SNX30: variants seen among roughly 807,000 people sequenced by gnomAD.
SNX30 encodes sorting nexin family member 30, also known as sorting nexin-30.
SNX30 carries 24 observed loss-of-function variants against 46.4 expected under a neutral mutation model. The ratio of observed to expected loss-of-function variants is 0.52; its 90% CI spans 0.37 to 0.73. The LOEUF is 0.73. SNX30 is among the 30% of genes least tolerant of loss of function. The probability of loss-of-function intolerance (pLI) is 0.00; values close to 1 mark genes in which losing one functional copy is unlikely to be tolerated. For missense variants in SNX30, 533 were observed against 555.7 expected (o/e 0.96, Z 0.41); for synonymous variants, 189 against 211.5 (o/e 0.89, Z 0.92).
intron 3 of SNX30, among the ~76,000 whole-genome samples, chr9:112,822,901 CAAG>C (rs938353421): frequency 6.6e-6 from 1 of 151,970 alleles, no homozygotes; most frequent in African/African-American, 2.4e-5. Flanking sequence ...CTGGAGATCA[CAAG>C]AAGAAGAATG....
At chr9:112,765,782 T>C (rs540755610) in intron 1 of SNX30, among the ~76,000 whole-genome samples, 8 of 152,224 alleles carry the variant, frequency 5.3e-5, no homozygotes, top group Non-Finnish European at 1.2e-4. Context: ...TGCCTTTTTG[T>C]GGTGAGAACA....
chr9:112,760,230 T>C (rs568815833), intron 1 of SNX30, among the ~76,000 whole-genome samples: 1 of 152,168 alleles, frequency 6.6e-6, no homozygotes, highest in Non-Finnish European at 1.5e-5. Flanking sequence ...ACCCAGGAGC[T>C]TCTGTGAGAA....
intron 7 of SNX30, among the ~76,000 whole-genome samples, chr9:112,859,609 C>A (rs1399125811): frequency 6.6e-6 from 1 of 152,110 alleles, no homozygotes; most frequent in African/African-American, 2.4e-5. Context: ...TATGTTCTTA[C>A]CAACGCTTAT....
chr9:112,875,992 G>T (rs549032808), downstream of SNX30: 2 of 152,230 alleles, frequency 1.3e-5, no homozygotes, highest in African/African-American at 4.8e-5. Flanking sequence ...TTGCCATGTT[G>T]CCCAGGCTGG....
intron 8 of SNX30, among the ~76,000 whole-genome samples, chr9:112,868,582 T>C (rs1251511459): frequency 1.3e-5 from 2 of 152,252 alleles, no homozygotes; most frequent in African/African-American, 4.8e-5. Flanking sequence ...TATTGCTGTC[T>C]TTCATAAAGA....
rs1362457508 is a variant in SNX30, at chr9:112,870,503, G to A, written c.*1660G>A. ...TGTTTGACAATGTTGCAGTTTAAAT[G>A]ATAATGTTTAAATCAATTGGTACTT... On this transcript the variant is annotated 3_prime_UTR_variant, in exon 9 of 9. Coordinates refer to ENST00000374232, the MANE Select transcript of SNX30 (RefSeq NM_001012994.2). The A allele has an allele frequency of 6.6e-6, 1 of 152,198 alleles. No individual in the cohort carries two copies. The highest frequency in any genetic ancestry group is 1.5e-5 in the Non-Finnish European group (1 of 68,042). The allele number at this position is 152,198 out of a possible 1,614,324, so 9.4% of individuals were successfully genotyped here.
intron 1 of SNX30, among the ~76,000 whole-genome samples, chr9:112,756,319 C>G (rs1051119655): frequency 6.6e-6 from 1 of 152,110 alleles, no homozygotes; most frequent in African/African-American, 2.4e-5. Flanking sequence ...TCTTTAGACC[C>G]CAACTTACTG....
intron 1 of SNX30, among the ~76,000 whole-genome samples, chr9:112,795,510 G>A (rs1362407818): frequency 6.6e-6 from 1 of 152,098 alleles, no homozygotes; most frequent in Non-Finnish European, 1.5e-5. Flanking sequence ...CCATGGGCCA[G>A]GGTAGCATAG....
chr9:112,754,231 C>A (rs1057347070), intron 1 of SNX30, among the ~76,000 whole-genome samples: 4 of 152,120 alleles, frequency 2.6e-5, no homozygotes, highest in Non-Finnish European at 5.9e-5. Flanking sequence ...TGAATGAACT[C>A]TGTAGTGCTT....
chr9:112,868,249 C>G (rs911737342), intron 8 of SNX30, among the ~76,000 whole-genome samples: 2 of 152,210 alleles, frequency 1.3e-5, no homozygotes, highest in Non-Finnish European at 2.9e-5. Flanking sequence ...ACACTGGCTT[C>G]CCTCTTCCAT....
chr9:112,769,752 G>A (rs2131362557), intron 1 of SNX30, among the ~76,000 whole-genome samples: 1 of 152,214 alleles, frequency 6.6e-6, no homozygotes, highest in African/African-American at 2.4e-5. Flanking sequence ...TCTACACACT[G>A]ATAACTCCAG....
intron 4 of SNX30, among the ~76,000 whole-genome samples, chr9:112,831,116 G>C (rs926682794): frequency 3.4e-5 from 5 of 148,772 alleles, no homozygotes; most frequent in African/African-American, 1.2e-4. Context: ...CAGCCTGGGT[G>C]ACAGAGTGAG....
chr9:112,845,839 A>G (rs1186265478), intron 6 of SNX30, among the ~76,000 whole-genome samples: 1 of 152,198 alleles, frequency 6.6e-6, no homozygotes, highest in Non-Finnish European at 1.5e-5. Context: ...TCCCTCTTGG[A>G]TGAGTGGACA....
chr9:112,836,892 C>T (rs544123170), intron 5 of SNX30, among the ~76,000 whole-genome samples: 1 of 152,226 alleles, frequency 6.6e-6, no homozygotes, highest in Non-Finnish European at 1.5e-5. Flanking sequence ...TTTAAACCCA[C>T]TCCTGCATGG....
intron 7 of SNX30, among the ~76,000 whole-genome samples, chr9:112,853,477 G>T (rs1481646812): frequency 2.0e-5 from 3 of 152,194 alleles, no homozygotes; most frequent in Non-Finnish European, 4.4e-5. Flanking sequence ...TTAAAGGAAT[G>T]ACATAGGATG....
intron 6 of SNX30, among the ~76,000 whole-genome samples, chr9:112,846,119 A>G (rs1247719560): frequency 2.0e-5 from 3 of 152,216 alleles, no homozygotes; most frequent in Non-Finnish European, 2.9e-5. Flanking sequence ...CACATATGAA[A>G]AGAAACCAAA....
At chr9:112,848,765 A>G (rs1840978885) in intron 6 of SNX30, among the ~76,000 whole-genome samples, 1 of 152,218 alleles carries the variant, frequency 6.6e-6, no homozygotes, top group Non-Finnish European at 1.5e-5. Context: ...GCCCAGGCCA[A>G]CTGGAGAGAG....
chr9:112,795,264 A>C (rs1292786549), intron 1 of SNX30, among the ~76,000 whole-genome samples: 1 of 152,142 alleles, frequency 6.6e-6, no homozygotes, highest in African/African-American at 2.4e-5. Flanking sequence ...TATACTAACT[A>C]ACTCAATCCC....
downstream of SNX30, chr9:112,876,991 A>C (rs1841526256): frequency 6.6e-6 from 1 of 152,058 alleles, no homozygotes. Context: ...TCTTGAGAAA[A>C]AATCGGGCCC....
Sources: gnomAD v4.1 joint callset for allele counts (sites outside exome capture counted in the v4.1 genomes callset) on GRCh38, gnomAD v4.1.1 for gene constraint, MANE v1.5 for transcripts, NCBI Gene and HGNC (gene_info 2026-07-23, HGNC 2026-07-21) for gene names.